The following CSMD3 variants were observed in gnomAD, a reference collection of about 807,000 sequenced individuals.
CSMD3 encodes CUB and sushi domain-containing protein 3.
CSMD3 carries 177 observed loss-of-function variants against 435.2 expected under a neutral mutation model. The ratio of observed to expected loss-of-function variants is 0.41; its 90% CI spans 0.36 to 0.46. The LOEUF (loss-of-function observed/expected upper bound fraction) is 0.46, where lower values mean the gene tolerates loss of function less well. Among genes scored for constraint, CSMD3 ranks in the 20% least tolerant of loss-of-function variants. The pLI is 0.34. For synonymous variants in CSMD3, 1,656 were observed against 1,520.5 expected (o/e 1.09, Z -2.07); for missense variants, 4,265 against 4,504.6 (o/e 0.95, Z 1.52).
rs1287201104 is a variant in CSMD3 at position 112,270,367 on chromosome 8, T to TGTGTGTGTGTGTGTGTTAGGGGTGA, written c.9509-4778_9509-4777insTCACCCCTAACACACACACACACAC. Among the ~76,000 whole-genome samples the TGTGTGTGTGTGTGTGTTAGGGGTGA allele has an allele frequency of 1.0e-4, 15 of 150,332 alleles. 2 individuals are homozygous for TGTGTGTGTGTGTGTGTTAGGGGTGA. The highest frequency in any genetic ancestry group is 8.0e-4 in the Admixed American group (12 of 15,036). On this transcript the variant is annotated intron_variant, in intron 59 of 70. Coordinates refer to ENST00000297405, the MANE Select transcript of CSMD3 (RefSeq NM_198123.2). ...GAGTGTGTGTGTGTGTGTGTGTGTGTGTGTGTGTGTGTGTGTGTGTGTGTG... is the reference window on the plus strand; with the variant it reads ...GAGTGTGTGTGTGTGTGTGTGTGTGTGTGTGTGTGTGTGTGTTAGGGGTGAGTGTGTGTGTGTGTGTGTGTGTGTG...
intron 1 of CSMD3, among the ~76,000 whole-genome samples, chr8:113,398,992 T>A (rs1393333359): frequency 6.7e-6 from 1 of 150,364 alleles, no homozygotes; most frequent in South Asian, 2.1e-4. Flanking sequence ...TGCATATTCC[T>A]CTTTGTTGCA....
intron 40 of CSMD3, among the ~76,000 whole-genome samples, chr8:112,347,101 T>C (rs918655208): frequency 6.6e-6 from 1 of 152,140 alleles, no homozygotes; most frequent in Admixed American, 6.5e-5. Flanking sequence ...AGTAAAAAGA[T>C]GCACACAAAT....
intron 1 of CSMD3, among the ~76,000 whole-genome samples, chr8:113,333,075 A>T (rs1325611367): frequency 6.6e-6 from 1 of 151,676 alleles, no homozygotes; most frequent in African/African-American, 2.4e-5. Context: ...ATAAGCATAA[A>T]TTCACATTCA....
chr8:112,986,729 C>T lies in CSMD3; in HGVS notation c.1031-10581G>A, dbSNP rs182834884. Among the ~76,000 whole-genome samples the T allele has an allele frequency of 4.3e-3, 658 of 152,032 alleles. 8 individuals are homozygous for T. The highest frequency in any genetic ancestry group is 0.024 in the Middle Eastern group (7 of 294). On this transcript the variant is annotated intron_variant, in intron 6 of 70. Transcript: ENST00000297405. ...ATAGAAAATTGAATGGAAGATATTT[C>T]CAGTAAGAACTTATTGCTCTTTGAA...
intron 22 of CSMD3, among the ~76,000 whole-genome samples, chr8:112,604,500 T>C (rs1832639644): frequency 6.6e-6 from 1 of 152,158 alleles, no homozygotes; most frequent in South Asian, 2.1e-4. Flanking sequence ...CGATCTGATC[T>C]TTGACAAAGC....
intron 3 of CSMD3, among the ~76,000 whole-genome samples, chr8:113,197,265 T>C (rs927339957): frequency 8.6e-5 from 13 of 151,266 alleles, no homozygotes; most frequent in Non-Finnish European, 1.5e-4. Flanking sequence ...TACAAAATTA[T>C]TGAAAATACT....
At chr8:113,268,882 A>C (rs372087433) in intron 3 of CSMD3, among the ~76,000 whole-genome samples, 1 of 152,074 alleles carries the variant, frequency 6.6e-6, no homozygotes, top group East Asian at 1.9e-4. Flanking sequence ...CCAATAAAAA[A>C]TTCAGATATA....
chr8:113,091,835 G>T (rs1202943117), intron 5 of CSMD3, among the ~76,000 whole-genome samples: 3 of 151,202 alleles, frequency 2.0e-5, no homozygotes, highest in African/African-American at 7.3e-5. Context: ...AGTTTGGTTT[G>T]CTCTTGCTTT....
intron 1 of CSMD3, among the ~76,000 whole-genome samples, chr8:113,404,798 A>G (rs1297494210): frequency 6.6e-6 from 1 of 151,466 alleles, no homozygotes; most frequent in Non-Finnish European, 1.5e-5. Context: ...AGCATGGCAT[A>G]CTACTGATAG....
intron 27 of CSMD3, among the ~76,000 whole-genome samples, chr8:112,546,434 G>A (rs920456929): frequency 6.6e-6 from 1 of 152,148 alleles, no homozygotes; most frequent in African/African-American, 2.4e-5. Flanking sequence ...CATGCAATTG[G>A]TTAAAGCTGG....
intron 23 of CSMD3, among the ~76,000 whole-genome samples, chr8:112,582,991 CACCT>C (rs1355040066): frequency 6.6e-6 from 1 of 151,936 alleles, no homozygotes; most frequent in East Asian, 1.9e-4. Context: ...GTTTATAAAC[CACCT>C]GGTCTATGTT....
At chr8:113,183,548 C>G (rs1426696480) in intron 3 of CSMD3, among the ~76,000 whole-genome samples, 2 of 151,926 alleles carry the variant, frequency 1.3e-5, no homozygotes, top group Non-Finnish European at 2.9e-5. Flanking sequence ...TGCCTTCCAT[C>G]CTTAGACTAA....
intron 3 of CSMD3, among the ~76,000 whole-genome samples, chr8:113,276,937 T>C (rs1056888037): frequency 4.6e-5 from 7 of 152,134 alleles, no homozygotes; most frequent in African/African-American, 1.4e-4. Flanking sequence ...GTGTGGTATA[T>C]GTAGAAACAA....
chr8:112,954,350 C>A (rs2083933310), intron 8 of CSMD3, among the ~76,000 whole-genome samples: 1 of 151,404 alleles, frequency 6.6e-6, no homozygotes, highest in Non-Finnish European at 1.5e-5. Context: ...CAAGAAACCA[C>A]CAATTTTAGA....
chr8:113,206,756 C>T (rs117747966), intron 3 of CSMD3, among the ~76,000 whole-genome samples: 4,506 of 152,146 alleles, frequency 0.03, 85 homozygotes, highest in Admixed American at 0.04. Flanking sequence ...TTAATGATTG[C>T]CTTATATACA....
chr8:113,056,942 G>A (rs922073719), intron 5 of CSMD3, among the ~76,000 whole-genome samples: 40 of 152,096 alleles, frequency 2.6e-4, no homozygotes, highest in Non-Finnish European at 8.8e-5. Context: ...CCTTTCCCAT[G>A]AAGTAATTTT....
chr8:112,600,748 G>A (rs1300414269), intron 22 of CSMD3, among the ~76,000 whole-genome samples: 2 of 151,712 alleles, frequency 1.3e-5, no homozygotes, highest in African/African-American at 4.8e-5. Flanking sequence ...TGCGATCTCG[G>A]CTCACTGCAA....
intron 10 of CSMD3, among the ~76,000 whole-genome samples, chr8:112,868,070 T>G (rs112660677): frequency 0.035 from 5,395 of 152,220 alleles, 150 homozygotes; most frequent in Middle Eastern, 0.051. Flanking sequence ...TTTACTTTTA[T>G]TTTTTACTCT....
rs576968093 is a variant in CSMD3, at chr8:113,155,963, T to C, written c.709+17759A>G. Among the ~76,000 whole-genome samples the C allele has an allele frequency of 8.5e-5, 13 of 152,200 alleles. No individual in the cohort carries two copies. In the South Asian group the frequency reaches 2.5e-3, roughly 29 times the overall value. On this transcript the variant is annotated intron_variant, in intron 4 of 70. Coordinates refer to ENST00000297405, the MANE Select transcript of CSMD3 (RefSeq NM_198123.2). Reference sequence around the variant, plus strand: ...TTTCTATAATGATTCTGAAAGTTTCTTTGTTTTTTTAATTCCTGGAATCAA... The same window carrying C: ...TTTCTATAATGATTCTGAAAGTTTCCTTGTTTTTTTAATTCCTGGAATCAA...
Sources: gnomAD v4.1 joint callset for allele counts (sites outside exome capture counted in the v4.1 genomes callset) on GRCh38, gnomAD v4.1.1 for gene constraint, MANE v1.5 for transcripts, NCBI Gene and HGNC (gene_info 2026-07-23, HGNC 2026-07-21) for gene names.